The following TRMT11 variants were observed in gnomAD, a reference collection of about 807,000 sequenced individuals.
TRMT11 encodes tRNA (guanine(10)-N(2))-methyltransferase TRMT11.
In TRMT11, 53 loss-of-function variants were observed where a neutral mutation model predicts 62.8. That is an observed-to-expected ratio of 0.84 (90% confidence interval 0.68 to 1.06). The LOEUF (loss-of-function observed/expected upper bound fraction) is 1.06, where lower values mean the gene tolerates loss of function less well. Among genes scored for constraint, TRMT11 ranks in the 50% least tolerant of loss-of-function variants. TRMT11 has a pLI of 0.00. For missense variants in TRMT11, 556 were observed against 553.4 expected (o/e 1.00, Z -0.05); for synonymous variants, 188 against 190.3 (o/e 0.99, Z 0.10).
chr6:126,017,538 C>T (rs1795163150), intron 11 of TRMT11, among the ~76,000 whole-genome samples: 1 of 152,212 alleles, frequency 6.6e-6, no homozygotes, highest in Non-Finnish European at 1.5e-5. Context: ...CATCAAGATA[C>T]TCTGTGCATT....
At chr6:126,015,011 G>T (rs1418911468) in intron 11 of TRMT11, among the ~76,000 whole-genome samples, 3 of 151,650 alleles carry the variant, frequency 2.0e-5, no homozygotes, top group Non-Finnish European at 2.9e-5. Flanking sequence ...AAAAAGGGTT[G>T]CTGCCTTAGC....
chr6:126,051,979 T>G (rs1776232601), intron 16 of TRMT11, among the ~76,000 whole-genome samples: 1 of 152,138 alleles, frequency 6.6e-6, no homozygotes, highest in African/African-American at 2.4e-5. Context: ...TTCTGTGCCG[T>G]TTTCCCCCAG....
intron 17 of TRMT11, among the ~76,000 whole-genome samples, chr6:126,098,457 G>T (rs2128175436): frequency 6.6e-6 from 1 of 152,268 alleles, no homozygotes; most frequent in South Asian, 2.1e-4. Flanking sequence ...TAATGGAAAA[G>T]AAGGAATGGT....
At chr6:126,187,013 A>T (rs1354454483) in intron 1 of TRMT11, among the ~76,000 whole-genome samples, 1 of 152,076 alleles carries the variant, frequency 6.6e-6, no homozygotes, top group Non-Finnish European at 1.5e-5. Context: ...GCTTACAGTT[A>T]ATATTTTATT....
At chr6:126,153,946 T>G (rs1409038694) in intron 21 of TRMT11, among the ~76,000 whole-genome samples, 1 of 152,160 alleles carries the variant, frequency 6.6e-6, no homozygotes, top group East Asian at 1.9e-4. Context: ...TGGGCTACTG[T>G]CAGTGAGTCA....
the TRMT11 span, among the ~76,000 whole-genome samples, chr6:126,264,622 C>T: frequency 2.0e-5 from 3 of 152,288 alleles, no homozygotes; most frequent in East Asian, 5.8e-4. Context: ...AAAGAGATTG[C>T]TCTCTGTATT....
At chr6:126,014,134 A>G (rs981854732) in intron 11 of TRMT11, among the ~76,000 whole-genome samples, 2 of 152,234 alleles carry the variant, frequency 1.3e-5, no homozygotes, top group African/African-American at 2.4e-5. Context: ...TTTGAACAAG[A>G]TGGAATGTTT....
chr6:125,993,281 A>G (rs1443562232), intron 1 of TRMT11, among the ~76,000 whole-genome samples: 1 of 152,226 alleles, frequency 6.6e-6, no homozygotes, highest in African/African-American at 2.4e-5. Flanking sequence ...CTTTTAAAGT[A>G]TCTATTATGT....
At chr6:126,223,356 GC>G in the TRMT11 span, among the ~76,000 whole-genome samples, 1 of 152,112 alleles carries the variant, frequency 6.6e-6, no homozygotes, top group African/African-American at 2.4e-5. Flanking sequence ...GGGAGGTGGA[GC>G]TTGCAGTGAG....
chr6:126,041,713 C>T (rs1004833992), downstream of TRMT11, among the ~76,000 whole-genome samples: 4 of 152,092 alleles, frequency 2.6e-5, no homozygotes, highest in Admixed American at 2.0e-4. Context: ...CATAAATAAA[C>T]TCATTAATGC....
At chr6:126,010,302 CT>C (rs1290687209) in intron 8 of TRMT11, among the ~76,000 whole-genome samples, 1 of 151,968 alleles carries the variant, frequency 6.6e-6, no homozygotes, top group South Asian at 2.1e-4. Context: ...GGTACTTTTA[CT>C]TTTTTGTTTC....
At position 126,156,691 on chromosome 6, in the gene TRMT11, A is replaced by G. The variant is rs181272262; in HGVS notation, c.*1824-18134A>G. ...CATGGTGGAAGGTGAAGGGGAAGCA[A>G]GCATCTCACATGACCATAGTGGGAG... On this transcript the variant is annotated intron_variant and NMD_transcript_variant, in intron 21 of 22. Transcript: ENST00000648977. Among the ~76,000 whole-genome samples, 12 of 152,278 alleles carry G rather than the reference A, an allele frequency of 7.9e-5. No homozygotes were observed. The East Asian group carries it at 9.7e-4, about 12-fold the overall frequency.
At chr6:126,239,154 A>T in the TRMT11 span, among the ~76,000 whole-genome samples, 1 of 151,698 alleles carries the variant, frequency 6.6e-6, no homozygotes, top group East Asian at 1.9e-4. Flanking sequence ...ATGGGTCTTG[A>T]CTATCCAATT....
At chr6:126,241,496 GA>G in the TRMT11 span, among the ~76,000 whole-genome samples, 1 of 152,132 alleles carries the variant, frequency 6.6e-6, no homozygotes, top group Non-Finnish European at 1.5e-5. Context: ...AACAAAAAAA[GA>G]GAATTTTAGA....
rs1449098051 is a variant in TRMT11, at chr6:126,151,749, C to CTTCCTTTCACCCT, written c.*1824-23074_*1824-23073insCCTTTCACCCTTT. On this transcript the variant is annotated intron_variant and NMD_transcript_variant, in intron 21 of 22. Transcript: ENST00000648977. ...CTCCCTCCCTTCCATCCTTCCTTCC[C>CTTCCTTTCACCCT]TTTCCTTCCTTCCTTCCCTTCCTTT... 5.0e-4 allele frequency among the ~76,000 whole-genome samples: 65 copies of CTTCCTTTCACCCT among 129,034 alleles called. 1 individual carries two copies. The highest frequency in any genetic ancestry group is 2.4e-3 in the African/African-American group (61 of 25,864). 84.7% of individuals were successfully genotyped at this position (129,034 alleles called of 152,430 possible).
intron 17 of TRMT11, among the ~76,000 whole-genome samples, chr6:126,067,804 AGG>A (rs1776733606): frequency 1.3e-5 from 2 of 152,208 alleles, no homozygotes; most frequent in African/African-American, 4.8e-5. Context: ...CACTCCCATC[AGG>A]AGTGGTTAAG....
At chr6:126,207,766 A>G (rs1206790652), downstream of TRMT11, among the ~76,000 whole-genome samples, 1 of 152,360 alleles carries the variant, frequency 6.6e-6, no homozygotes, top group African/African-American at 2.4e-5. Context: ...TGCATTATGC[A>G]TGTGACACCA....
intron 16 of TRMT11, among the ~76,000 whole-genome samples, chr6:126,052,324 C>G (rs1260964516): frequency 1.3e-5 from 2 of 152,084 alleles, no homozygotes; most frequent in Non-Finnish European, 2.9e-5. Flanking sequence ...GCTCCAGACG[C>G]AGAAAAAGAA....
chr6:126,200,654 A>C (rs1778724594), intron 3 of TRMT11, among the ~76,000 whole-genome samples: 1 of 152,252 alleles, frequency 6.6e-6, no homozygotes, highest in East Asian at 1.9e-4. Flanking sequence ...TCTTGGGTTC[A>C]CGACATTCTC....
Sources: allele counts gnomAD v4.1 joint callset (sites outside exome capture counted in the v4.1 genomes callset), GRCh38; gene constraint gnomAD v4.1.1; transcripts MANE v1.5; gene names NCBI Gene and HGNC (gene_info 2026-07-23, HGNC 2026-07-21).